KLHL31: variants seen among roughly 807,000 people sequenced by gnomAD.
The protein encoded by KLHL31 is kelch like family member 31, also known as kelch-like protein 31.
A neutral mutation model predicts 47.1 loss-of-function variants in KLHL31; 32 were observed. The ratio of observed to expected loss-of-function variants is 0.68; its 90% CI spans 0.51 to 0.91. The LOEUF (loss-of-function observed/expected upper bound fraction) is 0.91, where lower values mean the gene tolerates loss of function less well. Ranked by LOEUF, KLHL31 falls within the 40% of genes least tolerant of loss-of-function variation. KLHL31 has a pLI of 0.00. For missense variants in KLHL31, 797 were observed against 819.3 expected, an observed-to-expected ratio of 0.97 and a Z score of 0.33; for synonymous variants, 330 against 325.1, an observed-to-expected ratio of 1.01 and a Z score of -0.16.
intron 2 of KLHL31, 72 bp from the exon 3 acceptor site, chr6:53,652,402 T>C: frequency 1.3e-6 from 2 of 1,588,502 alleles, no homozygotes; most frequent in Non-Finnish European, 1.7e-6. Flanking sequence ...TTGCAAATCA[T>C]GAGTGGGAAG....
chr6:53,659,513 T>TGGGA (rs1252183383), intron 1 of KLHL31, among the ~76,000 whole-genome samples: 1 of 152,118 alleles, frequency 6.6e-6, no homozygotes, highest in African/African-American at 2.4e-5. Context: ...GGTGTTAGAA[T>TGGGA]GGGAGGTTTT....
rs749397005 is a variant in KLHL31, at chr6:53,655,253, A to G, written c.20T>C (p.Ile7Thr). MAPKKK[I>T]VKKNKGDINE... ...GATATCTCCTTTGTTCTTTTTGACA[A>G]TCTTCTTTTTGGGTGCCATGTTGGC... Residue 7 changes from isoleucine (I) to threonine (T), a missense_variant, in exon 2 of 3, where the codon ATT becomes ACT. Physicochemically the swap from Ile to Thr is moderately conservative, Grantham distance 89 (BLOSUM62 -1). Transcript: ENST00000370905. 12 of 1,568,876 alleles carry G rather than the reference A, an allele frequency of 7.6e-6. No homozygotes were observed. The highest frequency in any genetic ancestry group is 3.6e-5 in the South Asian group (3 of 83,704).
rs766567147 is a variant in KLHL31, at chr6:53,651,671, G to T, written c.1832C>A (p.Thr611Asn). 1 of 1,614,158 alleles carries T rather than the reference G, an allele frequency of 6.2e-7. No homozygotes were observed. Among genetic ancestry groups the T allele is most frequent in the Admixed American group, 1.7e-5 (1 of 60,024 alleles). ...AGTCACGTTGTTGGGCATCGAGAGG[G>T]TGCAGCAGGACACGCCGACAGTGGC... ...PEATVGVSCC[T>N]LSMPNNVTRE... The change falls in exon 3 of 3, where the codon ACC becomes AAC. Residue 611 changes from threonine to asparagine, a missense_variant. Thr to Asn is a moderately conservative substitution (Grantham distance 65). Coordinates refer to ENST00000370905, the MANE Select transcript of KLHL31 (RefSeq NM_001003760.5).
At chr6:53,664,941 A>T (rs568281587) in intron 1 of KLHL31, among the ~76,000 whole-genome samples, 2 of 152,208 alleles carry the variant, frequency 1.3e-5, no homozygotes, top group East Asian at 1.9e-4. Context: ...GGTGGTTTCC[A>T]CTTCACCATT....
At position 53,651,652 on chromosome 6, in the gene KLHL31, G is replaced by T. The variant is rs776751723; in HGVS notation, c.1851C>A (p.Asn617Lys). ...VSCCTLSMPNNVTRESRASSV... is the reference protein window; with the variant it reads ...VSCCTLSMPNKVTRESRASSV... ...AACTGGCCCGGGATTCCCGAGTCAC[G>T]TTGTTGGGCATCGAGAGGGTGCAGC... The change falls in exon 3 of 3, where the codon AAC becomes AAA. Residue 617 changes from asparagine (N) to lysine (K), a missense_variant. By Grantham distance (94) the Asn-to-Lys change is moderately conservative. Coordinates refer to ENST00000370905, the MANE Select transcript of KLHL31 (RefSeq NM_001003760.5). 3.7e-6 allele frequency: 6 copies of T among 1,614,040 alleles called. No individual in the cohort carries two copies. The highest frequency in any genetic ancestry group is 5.1e-6 in the Non-Finnish European group (6 of 1,180,042).
chr6:53,657,658 T>TA lies in KLHL31; in HGVS notation c.-33-2354dup, dbSNP rs1432393844. Among the ~76,000 whole-genome samples the TA allele has an allele frequency of 3.2e-5, 3 of 95,116 alleles. No individual in the cohort carries two copies. The East Asian group carries it at 1.2e-3, about 38-fold the overall frequency. The allele number at this position is 95,116 out of a possible 152,430, so 62.4% of individuals were successfully genotyped here. A position where few individuals can be genotyped will look rare whatever the true frequency, so the allele number is the denominator to read the frequency against. ...TGTGTGTGTGTGTGTGTGTGTGTTT[T>TA]AAATCCCATTGTAATTTCATCCTGA... On this transcript the variant is annotated intron_variant, in intron 1 of 2. Transcript: ENST00000370905.
At position 53,652,303 on chromosome 6, in the gene KLHL31, T is replaced by A. The variant is rs766537930; in HGVS notation, c.1200A>T (p.Ile400=). The stretch of plus-strand genomic sequence containing the variant: ...GCTTCTGGTTCATGCTGGCCAGGTG[T>A]ATCCAGGTGTTGAAGCGGGGATCGT... ...CRYDPRFNTW[I]HLASMNQKRT... Residue 400 remains isoleucine (I), a synonymous_variant, in exon 3 of 3, where the codon ATA becomes ATT. Transcript: ENST00000370905. 1.2e-5 allele frequency: 19 copies of A among 1,614,006 alleles called. No homozygotes were observed. Among genetic ancestry groups the A allele is most frequent in the Non-Finnish European group, 1.5e-5 (18 of 1,180,042 alleles).
chr6:53,653,713 T>C (rs1293256067), intron 2 of KLHL31, among the ~76,000 whole-genome samples: 1 of 152,234 alleles, frequency 6.6e-6, no homozygotes, highest in Non-Finnish European at 1.5e-5. Flanking sequence ...TCTTTCTTAC[T>C]ACTTAGTGTT....
intron 1 of KLHL31, among the ~76,000 whole-genome samples, chr6:53,656,884 G>A (rs1764567948): frequency 1.4e-5 from 2 of 147,798 alleles, no homozygotes; most frequent in African/African-American, 5.0e-5. Context: ...AAACAAAACT[G>A]ACTCCTTAAA....
chr6:53,654,026 A>C (rs748497221), intron 2 of KLHL31, 75 bp downstream of exon 2: 171 of 1,281,430 alleles, frequency 1.3e-4, no homozygotes, highest in Non-Finnish European at 1.8e-4. Flanking sequence ...AATAAGCAAG[A>C]TTAATTTACT....
chr6:53,657,962 T>C (rs1764588755), intron 1 of KLHL31, among the ~76,000 whole-genome samples: 1 of 152,204 alleles, frequency 6.6e-6, no homozygotes, highest in Non-Finnish European at 1.5e-5. Flanking sequence ...CAATGCAAAA[T>C]GCATCCTTAC....
At chr6:53,655,483 G>A (rs1433045463) in intron 1 of KLHL31, among the ~76,000 whole-genome samples, 178 bp from the exon 2 acceptor site, 1 of 152,116 alleles carries the variant, frequency 6.6e-6, no homozygotes, top group Non-Finnish European at 1.5e-5. Flanking sequence ...GTTTACTTCA[G>A]CATGAAGCAT....
In KLHL31 at chr6:53,655,121, G is replaced by C. The variant is rs771996531; in HGVS notation, c.152C>G (p.Thr51Arg). ...GAGGTTGGGGCCATAAGAAGCATCT[G>C]TTAGTTCAGAAGAAATGCAGCTAAG... ...NGLSCISSELTDASYGPNLLE... is the reference protein window; with the variant it reads ...NGLSCISSELRDASYGPNLLE... The change falls in exon 2 of 3, where the codon ACA (threonine) becomes AGA (arginine). Residue 51 changes from threonine (T) to arginine (R), a missense_variant. Thr to Arg is a moderately conservative substitution (Grantham distance 71). Coordinates refer to ENST00000370905, the MANE Select transcript of KLHL31 (RefSeq NM_001003760.5). The C allele has an allele frequency of 6.2e-7, 1 of 1,614,198 alleles. No homozygotes were observed. Among genetic ancestry groups the C allele is most frequent in the Admixed American group, 1.7e-5 (1 of 60,016 alleles).
In KLHL31 at chr6:53,661,710, A is replaced by T. The variant is rs1003763981; in HGVS notation, c.-34+3891T>A. 2.8e-4 allele frequency among the ~76,000 whole-genome samples: 42 copies of T among 152,208 alleles called. 1 individual carries two copies. Among genetic ancestry groups the T allele is most frequent in the African/African-American group, 8.4e-4 (35 of 41,440 alleles). On this transcript the variant is annotated intron_variant, in intron 1 of 2. Transcript: ENST00000370905. ...TATTAACATGTAGTCAGAGCAATTC[A>T]TACAGGAACTCTCACTGTTTTATTC...
chr6:53,656,314 A>T (rs114841835), intron 1 of KLHL31, among the ~76,000 whole-genome samples: 2,187 of 152,256 alleles, frequency 0.014, 49 homozygotes, highest in African/African-American at 0.05. Context: ...TGAGGGAGTG[A>T]GTATAAAAGA....
rs759076475 is a variant in KLHL31, at chr6:53,651,399, TAAAAAAA to T, written c.*192_*198del. 25 of 67,474 alleles carry T rather than the reference TAAAAAAA, an allele frequency of 3.7e-4. 1 individual carries two copies. Among genetic ancestry groups the T allele is most frequent in the Non-Finnish European group, 3.7e-4 (14 of 37,862 alleles). 4.2% of individuals were successfully genotyped at this position (67,474 alleles called of 1,614,324 possible). A position where few individuals can be genotyped will look rare whatever the true frequency, so the allele number is the denominator to read the frequency against. ...TGTTGGCCATTGCCCTGTATTTTGCTAAAAAAAAAAAAAAAAAAAAGAGGTAGATTAT... is the reference window on the plus strand; with the variant it reads ...TGTTGGCCATTGCCCTGTATTTTGCTAAAAAAAAAAAAAGAGGTAGATTAT... On this transcript the variant is annotated 3_prime_UTR_variant, in exon 3 of 3. Transcript: ENST00000370905.
intron 1 of KLHL31, among the ~76,000 whole-genome samples, chr6:53,662,773 G>A (rs1209682412): frequency 6.6e-6 from 1 of 152,158 alleles, no homozygotes; most frequent in Non-Finnish European, 1.5e-5. Context: ...ATAAGCAGCT[G>A]GGCAGAATTA....
At chr6:53,664,122 G>A (rs1764685723) in intron 1 of KLHL31, among the ~76,000 whole-genome samples, 1 of 152,066 alleles carries the variant, frequency 6.6e-6, no homozygotes, top group Non-Finnish European at 1.5e-5. Flanking sequence ...TCTTTACATG[G>A]GATCTATATG....
rs1326771321 is a variant in KLHL31 at position 53,649,362 on chromosome 6, T to C, written c.*2236A>G. On this transcript the variant is annotated 3_prime_UTR_variant, in exon 3 of 3. Transcript: ENST00000370905. ...GATAGAACAGCAATGCACCCAAGAG[T>C]CTGGTAAGCTCAAATATGTGGATTT... 2.0e-5 allele frequency: 3 copies of C among 152,072 alleles called. No individual in the cohort carries two copies. Among genetic ancestry groups the C allele is most frequent in the Non-Finnish European group, 4.4e-5 (3 of 67,976 alleles). The allele number at this position is 152,072 out of a possible 1,614,324, so 9.4% of individuals were successfully genotyped here.
Sources: allele counts gnomAD v4.1 joint callset (sites outside exome capture counted in the v4.1 genomes callset), GRCh38; gene constraint gnomAD v4.1.1; transcripts MANE v1.5; gene names NCBI Gene and HGNC (gene_info 2026-07-23, HGNC 2026-07-21).